WWC2: variants seen among roughly 807,000 people sequenced by gnomAD.
WWC2 encodes the protein WW and C2 domain containing 2, also known as protein WWC2.
WWC2 carries 101 observed loss-of-function variants against 138.5 expected under a neutral mutation model. The observed-to-expected ratio is 0.73, with a 90% CI of 0.62 to 0.86. WWC2 has a LOEUF of 0.86. WWC2 is among the 40% of genes least tolerant of loss of function. The probability of loss-of-function intolerance (pLI) is 0.00; values close to 1 mark genes in which losing one functional copy is unlikely to be tolerated. For missense variants in WWC2, 1,420 were observed against 1,419.4 expected, an observed-to-expected ratio of 1.00 and a Z score of -0.01; for synonymous variants, 558 against 538.4, an observed-to-expected ratio of 1.04 and a Z score of -0.50.
intron 1 of WWC2, among the ~76,000 whole-genome samples, chr4:183,103,622 C>A (rs1349741736): frequency 6.6e-6 from 1 of 150,566 alleles, no homozygotes; most frequent in Non-Finnish European, 1.5e-5. Flanking sequence ...ACCACCGCAC[C>A]TGGACTTGTG....
chr4:183,157,761 A>G (rs531437018), intron 1 of WWC2, among the ~76,000 whole-genome samples: 85 of 151,752 alleles, frequency 5.6e-4, no homozygotes, highest in African/African-American at 2.0e-3. Context: ...TCTGCCTCCC[A>G]AAGTGCTGGA....
intron 2 of WWC2, among the ~76,000 whole-genome samples, chr4:183,202,869 C>A (rs1425566209): frequency 6.6e-6 from 1 of 152,176 alleles, no homozygotes; most frequent in East Asian, 1.9e-4. Flanking sequence ...TTTGCTTTTG[C>A]AATCTGAGTA....
At chr4:183,301,108 C>A (rs1322480069) in intron 21 of WWC2, among the ~76,000 whole-genome samples, 4 of 152,008 alleles carry the variant, frequency 2.6e-5, no homozygotes, top group Admixed American at 2.0e-4. Context: ...TATGGTATTT[C>A]ATGAAGAATT....
intron 4 of WWC2, among the ~76,000 whole-genome samples, chr4:183,209,852 T>C (rs934801092): frequency 6.6e-6 from 1 of 152,230 alleles, no homozygotes; most frequent in East Asian, 1.9e-4. Flanking sequence ...AATAAACTCA[T>C]GTAACCAATA....
intron 1 of WWC2, among the ~76,000 whole-genome samples, chr4:183,161,950 G>C (rs1022266164): frequency 2.0e-5 from 3 of 152,208 alleles, no homozygotes; most frequent in African/African-American, 7.2e-5. Context: ...GGAACGTAGT[G>C]AGGGCAGATT....
intron 1 of WWC2, among the ~76,000 whole-genome samples, chr4:183,113,133 C>A (rs540817399): frequency 9.9e-5 from 15 of 151,782 alleles, no homozygotes; most frequent in African/African-American, 3.6e-4. Context: ...ATTAGCCAGG[C>A]GTGGGGTGCA....
intron 4 of WWC2, among the ~76,000 whole-genome samples, chr4:183,214,272 T>A (rs911284522): frequency 3.3e-5 from 5 of 152,180 alleles, no homozygotes; most frequent in Non-Finnish European, 5.9e-5. Flanking sequence ...GCTCACACAT[T>A]GTTAATATAG....
At chr4:183,213,454 A>G (rs1021084103) in intron 4 of WWC2, among the ~76,000 whole-genome samples, 6 of 152,256 alleles carry the variant, frequency 3.9e-5, no homozygotes, top group African/African-American at 1.2e-4. Context: ...CAATTTTTAA[A>G]GCAAAGCCAA....
chr4:183,168,662 C>T (rs182591676), intron 1 of WWC2, among the ~76,000 whole-genome samples: 52 of 152,182 alleles, frequency 3.4e-4, no homozygotes, highest in African/African-American at 1.2e-3. Context: ...CTTATCATTC[C>T]GTCCCTGGGT....
intron 1 of WWC2, among the ~76,000 whole-genome samples, chr4:183,169,202 G>A (rs530839806): frequency 6.6e-6 from 1 of 152,246 alleles, no homozygotes; most frequent in Non-Finnish European, 1.5e-5. Context: ...AAAATCAACA[G>A]AATTGATCAG....
intron 4 of WWC2, among the ~76,000 whole-genome samples, chr4:183,238,246 T>A (rs1736491134): frequency 6.6e-6 from 1 of 152,156 alleles, no homozygotes; most frequent in Non-Finnish European, 1.5e-5. Flanking sequence ...CCTGATGTGA[T>A]CTTGGTCACA....
At chr4:183,306,634 C>A (rs1579075267) in intron 21 of WWC2, among the ~76,000 whole-genome samples, 1 of 151,504 alleles carries the variant, frequency 6.6e-6, no homozygotes, top group South Asian at 2.1e-4. Flanking sequence ...TCAAGTGATT[C>A]TCTTACCTCA....
At chr4:183,108,163 A>G (rs1047418708) in intron 1 of WWC2, among the ~76,000 whole-genome samples, 5 of 152,108 alleles carry the variant, frequency 3.3e-5, no homozygotes, top group African/African-American at 1.2e-4. Flanking sequence ...AGCTCGTTAT[A>G]TATGTGAAGA....
intron 1 of WWC2, among the ~76,000 whole-genome samples, chr4:183,136,829 A>G (rs569341646): frequency 5.6e-4 from 86 of 152,286 alleles, no homozygotes; most frequent in African/African-American, 2.0e-3. Flanking sequence ...AAACCAAAAG[A>G]TTGGATACTG....
chr4:183,220,905 T>A lies in WWC2; in HGVS notation c.522+11880T>A, dbSNP rs563142691. 1.5e-3 allele frequency among the ~76,000 whole-genome samples: 220 copies of A among 148,524 alleles called. 1 individual carries two copies. Among genetic ancestry groups the A allele is most frequent in the African/African-American group, 5.1e-3 (208 of 40,514 alleles). ...GATAAAATGGAACCATTAGAAAAAATTTAGTTAACCCAAAAGAAGGCAAGA... is the reference window on the plus strand; with the variant it reads ...GATAAAATGGAACCATTAGAAAAAAATTAGTTAACCCAAAAGAAGGCAAGA... On this transcript the variant is annotated intron_variant, in intron 4 of 22. Transcript: ENST00000403733.
At chr4:183,144,895 A>G (rs1226045857) in intron 1 of WWC2, among the ~76,000 whole-genome samples, 1 of 152,194 alleles carries the variant, frequency 6.6e-6, no homozygotes, top group African/African-American at 2.4e-5. Flanking sequence ...GCATTCTTAA[A>G]TCCACTGTGC....
chr4:183,135,789 C>G (rs967096057), intron 1 of WWC2, among the ~76,000 whole-genome samples: 4 of 152,080 alleles, frequency 2.6e-5, no homozygotes, highest in Non-Finnish European at 5.9e-5. Context: ...AAAATGTCTT[C>G]ATTTCATTAT....
At chr4:183,123,667 T>C (rs563150856) in intron 1 of WWC2, among the ~76,000 whole-genome samples, 28 of 152,264 alleles carry the variant, frequency 1.8e-4, no homozygotes, top group African/African-American at 6.0e-4. Flanking sequence ...CTTGGTGTTA[T>C]AGACATACAT....
At chr4:183,204,121 GTC>G (rs1185360163) in intron 2 of WWC2, among the ~76,000 whole-genome samples, 3 of 152,218 alleles carry the variant, frequency 2.0e-5, no homozygotes, top group Non-Finnish European at 4.4e-5. Context: ...TTTCTGCAAA[GTC>G]TCTGACTCCA....
Sources: allele counts gnomAD v4.1 joint callset (sites outside exome capture counted in the v4.1 genomes callset), GRCh38; gene constraint gnomAD v4.1.1; transcripts MANE v1.5; gene names NCBI Gene and HGNC (gene_info 2026-07-23, HGNC 2026-07-21).